Variants in CYB561A3 observed in about 807,000 individuals in gnomAD.
The protein encoded by CYB561A3 is cytochrome b561 family member A3, also known as lysosomal membrane ascorbate-dependent ferrireductase CYB561A3.
Under a neutral mutation model 25.3 loss-of-function variants are expected in CYB561A3, and 16 were observed. The observed-to-expected ratio is 0.63, with a 90% CI of 0.43 to 0.96. The LOEUF (loss-of-function observed/expected upper bound fraction) is 0.96, where lower values mean the gene tolerates loss of function less well. Among genes scored for constraint, CYB561A3 ranks in the 40% least tolerant of loss-of-function variants. The pLI is 0.00. For synonymous variants in CYB561A3, 131 were observed against 129.9 expected, an observed-to-expected ratio of 1.01 and a Z score of -0.06; for missense variants, 219 against 307.5, an observed-to-expected ratio of 0.71 and a Z score of 2.15.
intron 4 of CYB561A3, chr11:61,353,455 C>A (rs1250816334): frequency 3.1e-6 from 2 of 650,092 alleles, no homozygotes; most frequent in Non-Finnish European, 5.6e-6. Flanking sequence ...ATGGAAACCA[C>A]TTCAAGAATT....
At position 61,356,301 on chromosome 11, in the gene CYB561A3, G is replaced by A. The variant is rs186462550; in HGVS notation, c.184+229C>T. On this transcript the variant is annotated intron_variant, in intron 3 of 6. Coordinates refer to ENST00000294072, the MANE Select transcript of CYB561A3 (RefSeq NM_153611.6). ...TGAAATATTTATCTGACCCTCTATA[G>A]AAAGTTTGCCAACTCCTGCCCTAGA... 80 of 556,180 alleles carry A rather than the reference G, an allele frequency of 1.4e-4. No homozygotes were observed. The East Asian group carries it at 2.3e-3, about 16-fold the overall frequency. 34.5% of individuals were successfully genotyped at this position (556,180 alleles called of 1,614,324 possible).
In CYB561A3 at chr11:61,350,304, T is replaced by G; in HGVS notation, c.*95A>C. The G allele has an allele frequency of 6.6e-7, 1 of 1,507,610 alleles. No individual in the cohort carries two copies. Among genetic ancestry groups the G allele is most frequent in the Non-Finnish European group, 9.0e-7 (1 of 1,113,018 alleles). The allele number at this position is 1,507,610 out of a possible 1,614,324, so 93.4% of individuals were successfully genotyped here. A position where few individuals can be genotyped will look rare whatever the true frequency, so the allele number is the denominator to read the frequency against. On this transcript the variant is annotated 3_prime_UTR_variant, in exon 7 of 7. Coordinates refer to ENST00000294072, the MANE Select transcript of CYB561A3 (RefSeq NM_153611.6). Reference sequence around the variant, plus strand: ...GGCCCAGCATTGGAAGAAAGTCGCCTGCTGAAACCAGCCGGGAGCCCTGGG... The same window carrying G: ...GGCCCAGCATTGGAAGAAAGTCGCCGGCTGAAACCAGCCGGGAGCCCTGGG...
chr11:61,349,894 C>T lies in CYB561A3; in HGVS notation c.*505G>A. The T allele has an allele frequency of 1.9e-6, 1 of 528,664 alleles. No individual in the cohort carries two copies. Among genetic ancestry groups the T allele is most frequent in the East Asian group, 3.3e-5 (1 of 30,116 alleles). The allele number at this position is 528,664 out of a possible 1,614,324, so 32.7% of individuals were successfully genotyped here. ...CACCTTTATGGGGGAAGTGGACGGA[C>T]ACCTCACCTCCCTCATGTTTCACAC... is the stretch of plus-strand genomic sequence containing the variant. On this transcript the variant is annotated 3_prime_UTR_variant, in exon 7 of 7. Transcript: ENST00000294072.
At chr11:61,353,370 C>T in intron 4 of CYB561A3, 1 of 623,072 alleles carries the variant, frequency 1.6e-6, no homozygotes, top group Non-Finnish European at 2.8e-6. Flanking sequence ...GCAAACCCAA[C>T]CACCTTGTTT....
chr11:61,349,500 CTG>C lies in CYB561A3; in HGVS notation c.*897_*898del. ...AAGTAGAGGAAGTCCACAGCCACCT[CTG>C]TTACTCATCGCTACTGGGACATCTG... On this transcript the variant is annotated 3_prime_UTR_variant, in exon 7 of 7. Transcript: ENST00000294072. 1.4e-6 allele frequency: 1 copy of C among 701,498 alleles called. No individual in the cohort carries two copies. The highest frequency in any genetic ancestry group is 2.6e-6 in the Non-Finnish European group (1 of 383,938). 43.5% of individuals were successfully genotyped at this position (701,498 alleles called of 1,614,324 possible).
chr11:61,353,687 G>A, intron 4 of CYB561A3, 97 bp downstream of exon 4: 1 of 1,266,182 alleles, frequency 7.9e-7, no homozygotes, highest in Non-Finnish European at 1.1e-6. Context: ...CCCTCTCCAA[G>A]CAGTGAGCAG....
chr11:61,350,756 T>A (rs1002967552), intron 6 of CYB561A3: 11 of 612,216 alleles, frequency 1.8e-5, no homozygotes, highest in Non-Finnish European at 2.7e-5. Flanking sequence ...CCACAGTGAT[T>A]TGGGGGGGAA....
At chr11:61,354,211 C>A in intron 3 of CYB561A3, 1 of 593,052 alleles carries the variant, frequency 1.7e-6, no homozygotes, top group Non-Finnish European at 3.0e-6. Flanking sequence ...GAGGAGTGGT[C>A]AGGCAAGGTG....
At chr11:61,356,501 C>T in intron 3 of CYB561A3, 29 bp downstream of exon 3, 1 of 1,446,344 alleles carries the variant, frequency 6.9e-7, no homozygotes, top group South Asian at 1.1e-5. Flanking sequence ...TGAGCCCTAT[C>T]CCGCCTCCCT....
At chr11:61,358,907 C>A (rs536609508) in intron 1 of CYB561A3, 1 of 152,222 alleles carries the variant, frequency 6.6e-6, no homozygotes, top group African/African-American at 2.4e-5. Flanking sequence ...ACAAGGTGAC[C>A]CAAGTTGGCA....
intron 5 of CYB561A3, 104 bp from the exon 6 acceptor site, chr11:61,351,251 G>GTCC (rs1025773204): frequency 3.0e-4 from 368 of 1,223,594 alleles, no homozygotes; most frequent in Non-Finnish European, 3.7e-4. Flanking sequence ...ACCTTCCCGG[G>GTCC]TCCATATGTG....
In CYB561A3 at chr11:61,351,124, T is replaced by TG. The variant is rs1416430139; in HGVS notation, c.571dup (p.His191ProfsTer6). On this transcript the variant is annotated frameshift_variant, in exon 6 of 7. Coordinates refer to ENST00000294072, the MANE Select transcript of CYB561A3 (RefSeq NM_153611.6). LOFTEE classifies it high-confidence loss of function. ...AAAGACCGCCTCACTGGGCAGGCTG[T>TG]GGTATGGCCTGGTGGTGTTTTTCCT... 2 of 1,612,972 alleles carry TG rather than the reference T, an allele frequency of 1.2e-6. No individual in the cohort carries two copies. The highest frequency in any genetic ancestry group is 1.7e-6 in the Non-Finnish European group (2 of 1,179,650).
chr11:61,352,609 C>T (rs1042014820), intron 5 of CYB561A3: 6 of 250,602 alleles, frequency 2.4e-5, no homozygotes, highest in Non-Finnish European at 4.3e-5. Context: ...TGCAGCGAGC[C>T]AAGATTGTGC....
intron 1 of CYB561A3, chr11:61,360,692 C>A (rs1256952704): frequency 6.6e-6 from 1 of 152,182 alleles, no homozygotes; most frequent in African/African-American, 2.4e-5. Context: ...AAAGGCTCTA[C>A]GCAGGCTGGG....
rs1314652195 is a variant in CYB561A3 at position 61,350,595 on chromosome 11, CCAT to C, written c.706-176_706-174del. ...GGTACACACCCCGTCTCCCTACATCCCATCAAGACCTGCTCTGAGCACTCAGCT... is the reference window on the plus strand; with the variant it reads ...GGTACACACCCCGTCTCCCTACATCCCAAGACCTGCTCTGAGCACTCAGCT... On this transcript the variant is annotated intron_variant, in intron 6 of 6. Coordinates refer to ENST00000294072, the MANE Select transcript of CYB561A3 (RefSeq NM_153611.6). 3.4e-5 allele frequency: 25 copies of C among 741,964 alleles called. No individual in the cohort carries two copies. In the East Asian group the frequency reaches 6.2e-4, roughly 19 times the overall value. The allele number at this position is 741,964 out of a possible 1,614,324, so 46.0% of individuals were successfully genotyped here.
At chr11:61,351,190 A>C (rs1322152318) in intron 5 of CYB561A3, 43 bp from the exon 6 acceptor site, 1 of 1,556,122 alleles carries the variant, frequency 6.4e-7, no homozygotes, top group South Asian at 1.2e-5. Context: ...AGATTTTTCC[A>C]CCTATTTTTG....
chr11:61,350,083 A>C lies in CYB561A3; in HGVS notation c.*316T>G, dbSNP rs1389543185. The C allele has an allele frequency of 5.5e-6, 3 of 544,212 alleles. No homozygotes were observed. The East Asian group carries it at 9.4e-5, about 17-fold the overall frequency. 33.7% of individuals were successfully genotyped at this position (544,212 alleles called of 1,614,324 possible). ...TGACGCCAAGGAGTGCAGAAGCCAA[A>C]GCCACCAAGGAAAGCAGACAGGCAG... On this transcript the variant is annotated 3_prime_UTR_variant, in exon 7 of 7. Transcript: ENST00000294072.
chr11:61,360,132 C>T (rs1857793402), intron 1 of CYB561A3: 1 of 151,812 alleles, frequency 6.6e-6, no homozygotes, highest in Non-Finnish European at 1.5e-5. Context: ...GTCTCAGCTA[C>T]TCAGGAGGCT....
At position 61,351,048 on chromosome 11, in the gene CYB561A3, G is replaced by A; in HGVS notation, c.648C>T (p.Tyr216=). The A allele has an allele frequency of 1.2e-6, 2 of 1,614,100 alleles. No homozygotes were observed. Among genetic ancestry groups the A allele is most frequent in the Non-Finnish European group, 8.5e-7 (1 of 1,179,990 alleles). Reference sequence around the variant, plus strand: ...GCTTCCAAGATGAAGCCAGAAGGATGTAGAGCACCAGCAGCCCAAAGGCCA... The same window carrying A: ...GCTTCCAAGATGAAGCCAGAAGGATATAGAGCACCAGCAGCCCAAAGGCCA... ...LVVAFGLLVL[Y]ILLASSWKRP... is the part of the protein sequence containing the mutation. The change falls in exon 6 of 7, where the codon TAC becomes TAT. Residue 216 remains tyrosine, a synonymous_variant. Transcript: ENST00000294072.
Sources: gnomAD v4.1 joint callset for allele counts on GRCh38, gnomAD v4.1.1 for gene constraint, MANE v1.5 for transcripts, NCBI Gene and HGNC (gene_info 2026-07-23, HGNC 2026-07-21) for gene names.